The following PLEKHG4B variants were observed in gnomAD, a reference collection of about 807,000 sequenced individuals.
PLEKHG4B encodes the protein pleckstrin homology domain-containing family G member 4B.
PLEKHG4B carries 111 observed loss-of-function variants against 121.3 expected under a neutral mutation model. The ratio of observed to expected loss-of-function variants is 0.92; its 90% CI spans 0.78 to 1.07. PLEKHG4B has a LOEUF of 1.07. PLEKHG4B is among the 50% of genes least tolerant of loss of function. The probability of loss-of-function intolerance (pLI) is 0.00; values close to 1 mark genes in which losing one functional copy is unlikely to be tolerated. For synonymous variants in PLEKHG4B, 738 were observed against 725.0 expected, an observed-to-expected ratio of 1.02 and a Z score of -0.29; for missense variants, 1,831 against 1,757.8, an observed-to-expected ratio of 1.04 and a Z score of -0.74.
intron 2 of PLEKHG4B, among the ~76,000 whole-genome samples, chr5:130,116 C>T (rs191280122): frequency 2.0e-5 from 3 of 152,094 alleles, no homozygotes; most frequent in Non-Finnish European, 1.5e-5. Flanking sequence ...CAGAAAAAGA[C>T]AGACTTACTT....
chr5:180,651 T>C (rs1736902368), intron 18 of PLEKHG4B, among the ~76,000 whole-genome samples: 1 of 152,166 alleles, frequency 6.6e-6, no homozygotes, highest in Non-Finnish European at 1.5e-5. Flanking sequence ...GGATGTAAGG[T>C]ACACGAGCAA....
Position 159,380 on chromosome 5 carries a change from G to A in PLEKHG4B, c.2488-2403G>A, listed in dbSNP as rs531528930. 3.9e-5 allele frequency among the ~76,000 whole-genome samples: 6 copies of A among 152,024 alleles called. No homozygotes were observed. Among genetic ancestry groups the A allele is most frequent in the Admixed American group, 2.6e-4 (4 of 15,278 alleles). ...GGAATTCTGTGACATCCTTCGTGGC[G>A]CTCGCATTTCCCACAGCTCCACACT... is the stretch of plus-strand genomic sequence containing the variant. On this transcript the variant is annotated intron_variant, in intron 11 of 19. Transcript: ENST00000637938. This position sits in a 1 kb window ranked among gnomAD's most constrained non-coding sequence, Gnocchi z 5.5.
intron 2 of PLEKHG4B, among the ~76,000 whole-genome samples, chr5:114,894 G>C (rs1375836422): frequency 1.3e-5 from 2 of 152,162 alleles, no homozygotes; most frequent in Non-Finnish European, 2.9e-5. Context: ...TGGGAGGCTT[G>C]AACCCCTCAG....
At chr5:167,578 G>A (rs1262666138) in intron 13 of PLEKHG4B, among the ~76,000 whole-genome samples, 1 of 152,168 alleles carries the variant, frequency 6.6e-6, no homozygotes, top group Non-Finnish European at 1.5e-5. Context: ...GGCTCACCAT[G>A]GCCCTGGGAA....
chr5:143,232 C>T lies in PLEKHG4B; in HGVS notation c.1663C>T (p.Gln555Ter). 2 of 1,610,570 alleles carry T rather than the reference C, an allele frequency of 1.2e-6. No homozygotes were observed. Among genetic ancestry groups the T allele is most frequent in the Non-Finnish European group, 8.5e-7 (1 of 1,179,998 alleles). The change falls in exon 4 of 20, where the codon CAG (glutamine) becomes TAG (stop). Residue 555 changes from glutamine to a stop codon, truncating the protein, a stop_gained. Coordinates refer to ENST00000637938, the MANE Select transcript of PLEKHG4B (RefSeq NM_052909.5). LOFTEE classifies it high-confidence loss of function. Reference sequence around the variant, plus strand: ...GCTGGACGTCAGTCAGGAGCTGCTGCAGTCCGGGGTCGTCACCCTCCCAGG... The same window carrying T: ...GCTGGACGTCAGTCAGGAGCTGCTGTAGTCCGGGGTCGTCACCCTCCCAGG... ...QVLDVSQELL[Q>*]SGVVTLPGTR...
At position 162,078 on chromosome 5, in the gene PLEKHG4B, C is replaced by G. The variant is rs563214225; in HGVS notation, c.2649+134C>G. On this transcript the variant is annotated intron_variant, in intron 12 of 19. Transcript: ENST00000637938. Reference sequence around the variant, plus strand: ...GGCCGGGCACCTGCGATGGAGCCCCCCTGGCCACTGCGCCCACGGCTCTCT... The same window carrying G: ...GGCCGGGCACCTGCGATGGAGCCCCGCTGGCCACTGCGCCCACGGCTCTCT... 8.9e-4 allele frequency: 1,041 copies of G among 1,167,156 alleles called. 3 individuals are homozygous for G. In the African/African-American group the frequency reaches 0.016, roughly 18 times the overall value. The allele number at this position is 1,167,156 out of a possible 1,614,324, so 72.3% of individuals were successfully genotyped here.
At chr5:106,343 C>G (rs367628608) in intron 1 of PLEKHG4B, among the ~76,000 whole-genome samples, 1 of 152,162 alleles carries the variant, frequency 6.6e-6, no homozygotes, top group South Asian at 2.1e-4. Context: ...CCTGACAGCT[C>G]CCCCATCCAG....
In PLEKHG4B at chr5:137,127, A is replaced by T. The variant is rs953219653; in HGVS notation, c.244-2356A>T. Among the ~76,000 whole-genome samples the T allele has an allele frequency of 6.6e-6, 1 of 152,202 alleles. No homozygotes were observed. The highest frequency in any genetic ancestry group is 2.4e-5 in the African/African-American group (1 of 41,456). ...CACGTGCCACATGTGGCATGGATAGACCTTGAGGATACTGTGCCAATGGAT... is the reference window on the plus strand; with the variant it reads ...CACGTGCCACATGTGGCATGGATAGTCCTTGAGGATACTGTGCCAATGGAT... On this transcript the variant is annotated intron_variant, in intron 2 of 19. Coordinates refer to ENST00000637938, the MANE Select transcript of PLEKHG4B (RefSeq NM_052909.5). The surrounding 1 kb of genome is among the most constrained non-coding windows in gnomAD (Gnocchi z 4.2).
chr5:105,721 T>A (rs1409587167), intron 1 of PLEKHG4B, among the ~76,000 whole-genome samples: 1 of 152,250 alleles, frequency 6.6e-6, no homozygotes, highest in East Asian at 1.9e-4. Flanking sequence ...CATTTTTCCC[T>A]TTGAGACCTG....
chr5:109,271 C>T (rs1319342453), intron 1 of PLEKHG4B, among the ~76,000 whole-genome samples: 3 of 151,974 alleles, frequency 2.0e-5, no homozygotes, highest in South Asian at 2.1e-4. Flanking sequence ...GTGGTACACA[C>T]CTGTAGTCCC....
At chr5:125,665 G>T (rs1734592980) in intron 2 of PLEKHG4B, among the ~76,000 whole-genome samples, 2 of 152,084 alleles carry the variant, frequency 1.3e-5, no homozygotes, top group Admixed American at 6.5e-5. Context: ...AATAATACTA[G>T]CTTTCATAAT....
At chr5:126,111 G>T (rs1002977704) in intron 2 of PLEKHG4B, among the ~76,000 whole-genome samples, 12 of 152,124 alleles carry the variant, frequency 7.9e-5, no homozygotes, top group Admixed American at 3.3e-4. Context: ...AGCTTATCAG[G>T]CTTCTTGGAT....
intron 14 of PLEKHG4B, among the ~76,000 whole-genome samples, chr5:170,412 C>T (rs1736503888): frequency 6.6e-6 from 1 of 152,118 alleles, no homozygotes; most frequent in African/African-American, 2.4e-5. Context: ...AAGTGATTCT[C>T]CTGCCTCAGC....
intron 1 of PLEKHG4B, among the ~76,000 whole-genome samples, chr5:112,175 G>A (rs1010883132): frequency 4.6e-5 from 7 of 152,136 alleles, no homozygotes; most frequent in South Asian, 4.1e-4. Flanking sequence ...TGGCAGGGCC[G>A]GCAGGAGGCT....
intron 3 of PLEKHG4B, among the ~76,000 whole-genome samples, chr5:142,829 T>A (rs1409847589): frequency 6.6e-6 from 1 of 152,238 alleles, no homozygotes; most frequent in Non-Finnish European, 1.5e-5. Flanking sequence ...AGCTGGAGAC[T>A]CCGTCTCCGT....
rs532976795 is a variant in PLEKHG4B, at chr5:135,985, G to A, written c.244-3498G>A. Reference sequence around the variant, plus strand: ...ATAAAAACAGACACACAGACCAGTGGAGTGGAATAGAGAGCCCAGTAATGA... The same window carrying A: ...ATAAAAACAGACACACAGACCAGTGAAGTGGAATAGAGAGCCCAGTAATGA... On this transcript the variant is annotated intron_variant, in intron 2 of 19. Coordinates refer to ENST00000637938, the MANE Select transcript of PLEKHG4B (RefSeq NM_052909.5). Among the ~76,000 whole-genome samples the A allele has an allele frequency of 7.2e-5, 11 of 151,972 alleles. No individual in the cohort carries two copies. The South Asian group carries it at 2.3e-3, about 32-fold the overall frequency.
chr5:174,598 C>T (rs907534666), intron 18 of PLEKHG4B, among the ~76,000 whole-genome samples: 6 of 152,076 alleles, frequency 3.9e-5, no homozygotes, highest in Admixed American at 6.5e-5. Context: ...GTCATTGCCC[C>T]GAAGTGGGGA....
intron 9 of PLEKHG4B, 101 bp from the exon 10 acceptor site, chr5:155,970 C>A: frequency 8.0e-7 from 1 of 1,243,758 alleles, no homozygotes; most frequent in Non-Finnish European, 1.1e-6. Flanking sequence ...AGGCCTGCAG[C>A]TTGATTTATG....
At position 184,011 on chromosome 5, in the gene PLEKHG4B, A is replaced by C. The variant is rs893683779; in HGVS notation, c.*1688A>C. 1 of 148,822 alleles carries C rather than the reference A, an allele frequency of 6.7e-6. No individual in the cohort carries two copies. The highest frequency in any genetic ancestry group is 2.6e-5 in the African/African-American group (1 of 38,612). 9.2% of individuals were successfully genotyped at this position (148,822 alleles called of 1,614,324 possible). On this transcript the variant is annotated 3_prime_UTR_variant, in exon 20 of 20. Coordinates refer to ENST00000637938, the MANE Select transcript of PLEKHG4B (RefSeq NM_052909.5). The stretch of plus-strand genomic sequence containing the variant: ...TAGATCGATAGATAGATAGATAGAT[A>C]GATAGATAGATAGATAGACTGACAG...
Sources: gnomAD v4.1 joint callset for allele counts (sites outside exome capture counted in the v4.1 genomes callset) on GRCh38, gnomAD v4.1.1 for gene constraint, Gnocchi (gnomAD v3.1) non-coding constraint, MANE v1.5 for transcripts, NCBI Gene and HGNC (gene_info 2026-07-23, HGNC 2026-07-21) for gene names.